FBXW11: variants seen among roughly 807,000 people sequenced by gnomAD.
FBXW11 encodes F-box and WD repeat domain containing 11.
A neutral mutation model predicts 77.6 loss-of-function variants in FBXW11; 19 were observed. The observed-to-expected ratio is 0.24, with a 90% CI of 0.17 to 0.36. The LOEUF (loss-of-function observed/expected upper bound fraction) is 0.36. FBXW11 is among the 10% of genes least tolerant of loss of function. The pLI is 1.00. For synonymous variants in FBXW11, 235 were observed against 249.4 expected, an observed-to-expected ratio of 0.94 and a Z score of 0.54; for missense variants, 334 against 704.2, an observed-to-expected ratio of 0.47 and a Z score of 5.95.
intron 2 of FBXW11, among the ~76,000 whole-genome samples, chr5:171,939,406 A>G (rs1043592624): frequency 6.6e-6 from 1 of 151,634 alleles, no homozygotes; most frequent in South Asian, 2.1e-4. Flanking sequence ...TTTAAGAACT[A>G]TAAAGAAATC....
chr5:171,899,713 T>C (rs1561663454), intron 5 of FBXW11, among the ~76,000 whole-genome samples: 1 of 152,116 alleles, frequency 6.6e-6, no homozygotes, highest in Non-Finnish European at 1.5e-5. Context: ...AACTATATAA[T>C]ACAGTTCATA....
chr5:171,895,481 G>C (rs1759681192), intron 6 of FBXW11, among the ~76,000 whole-genome samples: 2 of 152,126 alleles, frequency 1.3e-5, no homozygotes, highest in East Asian at 3.8e-4. Context: ...CTTATTAAAA[G>C]GTGTGATACA....
At chr5:171,939,895 T>C (rs1321260747) in intron 2 of FBXW11, among the ~76,000 whole-genome samples, 2 of 152,102 alleles carry the variant, frequency 1.3e-5, no homozygotes, top group Admixed American at 6.6e-5. Flanking sequence ...AAATTCCTTA[T>C]ATAAAGTGGA....
chr5:171,898,901 T>A (rs1031396196), intron 6 of FBXW11, 103 bp downstream of exon 6: 2 of 608,572 alleles, frequency 3.3e-6, no homozygotes, highest in East Asian at 3.0e-5. Flanking sequence ...TTAAAAAAAA[T>A]TATTAGTTCT....
Position 171,869,875 on chromosome 5 carries a change from G to A in FBXW11, c.1452-68C>T. The A allele has an allele frequency of 9.3e-7, 1 of 1,073,530 alleles. No individual in the cohort carries two copies. Among genetic ancestry groups the A allele is most frequent in the Non-Finnish European group, 1.4e-6 (1 of 737,042 alleles). 66.5% of individuals were successfully genotyped at this position (1,073,530 alleles called of 1,614,324 possible). On this transcript the variant is annotated intron_variant, in intron 11 of 13. Transcript: ENST00000517395. This position sits in a 1 kb window ranked among gnomAD's most constrained non-coding sequence, Gnocchi z 4.1. ...TTTATATGCTGTCAAACATTTCCTT[G>A]AAAAAAAGTAGTGCATCTGAACTGC...
intron 2 of FBXW11, among the ~76,000 whole-genome samples, chr5:171,955,097 G>C (rs1763540626): frequency 6.6e-6 from 1 of 152,234 alleles, no homozygotes. Flanking sequence ...GTAACAGTTG[G>C]TAATGAGTGA....
intron 2 of FBXW11, among the ~76,000 whole-genome samples, chr5:171,956,232 C>A (rs1029670171): frequency 4.6e-5 from 7 of 152,178 alleles, no homozygotes; most frequent in Admixed American, 3.9e-4. Context: ...CATTATACAG[C>A]ATCAAGGAGA....
At chr5:171,901,112 C>T (rs1009424213) in intron 4 of FBXW11, among the ~76,000 whole-genome samples, 2 of 152,192 alleles carry the variant, frequency 1.3e-5, no homozygotes, top group Admixed American at 6.5e-5. Flanking sequence ...ACTGAAACAT[C>T]CCTGTGCCTT....
At chr5:171,880,024 G>A (rs1472103254) in intron 7 of FBXW11, among the ~76,000 whole-genome samples, 1 of 152,182 alleles carries the variant, frequency 6.6e-6, no homozygotes, top group African/African-American at 2.4e-5. Context: ...AGATCATCTA[G>A]ATTCTCTCCT....
intron 1 of FBXW11, among the ~76,000 whole-genome samples, chr5:171,973,005 A>T (rs1389938089): frequency 6.6e-6 from 1 of 152,230 alleles, no homozygotes; most frequent in Non-Finnish European, 1.5e-5. Flanking sequence ...ACGCATATGC[A>T]CAGAAGTACT....
Position 171,870,876 on chromosome 5 carries a change from C to A in FBXW11, c.1341-18G>T, listed in dbSNP as rs1465561147. 6.4e-7 allele frequency: 1 copy of A among 1,572,910 alleles called. No homozygotes were observed. The highest frequency in any genetic ancestry group is 1.4e-5 in the African/African-American group (1 of 74,060). On this transcript the variant is annotated intron_variant, in intron 10 of 13. Transcript: ENST00000517395. ...CCCAGAGCCTTGAATGAAAAACAGA[C>A]CTCTGTGAAACAAATTCCCACACAC...
chr5:171,875,952 T>C (rs1316940012), intron 9 of FBXW11, among the ~76,000 whole-genome samples: 1 of 152,310 alleles, frequency 6.6e-6, no homozygotes, highest in Middle Eastern at 3.4e-3. Flanking sequence ...GGGCCACACC[T>C]ACCTTAAAAG....
Position 171,876,516 on chromosome 5 carries a change from C to T in FBXW11, c.990G>A (p.Thr330=), listed in dbSNP as rs746684500. The T allele has an allele frequency of 1.3e-5, 21 of 1,613,966 alleles. No individual in the cohort carries two copies. The highest frequency in any genetic ancestry group is 3.3e-5 in the Admixed American group (2 of 60,008). The change falls in exon 9 of 14, where the codon ACG becomes ACA. Residue 330 remains threonine, a synonymous_variant. Coordinates refer to ENST00000517395, the MANE Select transcript of FBXW11 (RefSeq NM_001378974.1). This position sits in a 1 kb window ranked among gnomAD's most constrained non-coding sequence, Gnocchi z 4.2. ...GGATCAATGTGTTAAGAACTTCACC[C>T]GTGTTCACATCCCACACTCTAGGAG... ...DSTVRVWDVN[T]GEVLNTLIHH...
chr5:171,881,379 G>T (rs934985673), intron 7 of FBXW11, among the ~76,000 whole-genome samples: 1 of 152,156 alleles, frequency 6.6e-6, no homozygotes, highest in African/African-American at 2.4e-5. Context: ...AGTTAAGGAA[G>T]TTCCCCTCTA....
At chr5:171,945,871 C>T (rs554969104) in intron 2 of FBXW11, among the ~76,000 whole-genome samples, 34 of 152,156 alleles carry the variant, frequency 2.2e-4, no homozygotes, top group African/African-American at 8.2e-4. Flanking sequence ...ATTTTGAATC[C>T]CTAACTCCAA....
intron 7 of FBXW11, among the ~76,000 whole-genome samples, chr5:171,883,713 A>C (rs1359926583): frequency 1.3e-5 from 2 of 151,750 alleles, no homozygotes; most frequent in Non-Finnish European, 2.9e-5. Flanking sequence ...TTTGATTTGC[A>C]TTTCTCTGAT....
At chr5:171,870,531 C>T (rs1168315195) in intron 11 of FBXW11, among the ~76,000 whole-genome samples, 3 of 152,154 alleles carry the variant, frequency 2.0e-5, no homozygotes, top group Non-Finnish European at 4.4e-5. Context: ...TTAGGAACCA[C>T]AGTGACTCTC....
chr5:171,869,959 T>C lies in FBXW11; in HGVS notation c.1452-152A>G. 1 of 451,618 alleles carries C rather than the reference T, an allele frequency of 2.2e-6. No homozygotes were observed. The highest frequency in any genetic ancestry group is 4.1e-6 in the Non-Finnish European group (1 of 246,668). The allele number at this position is 451,618 out of a possible 1,614,324, so 28.0% of individuals were successfully genotyped here. A position where few individuals can be genotyped will look rare whatever the true frequency, so the allele number is the denominator to read the frequency against. On this transcript the variant is annotated intron_variant, in intron 11 of 13. Transcript: ENST00000517395. The surrounding 1 kb of genome is among the most constrained non-coding windows in gnomAD (Gnocchi z 4.1). ...GTTTTTACAAATCATCTGAACCAAT[T>C]ACACTTGATTTTGGAAAAATTAAGA...
intron 7 of FBXW11, among the ~76,000 whole-genome samples, chr5:171,888,091 G>A (rs1056843169): frequency 7.2e-5 from 11 of 152,304 alleles, no homozygotes; most frequent in Middle Eastern, 3.4e-3. Flanking sequence ...TGGAAAAAAA[G>A]AGATCCCTGG....
Sources: gnomAD v4.1 joint callset for allele counts (sites outside exome capture counted in the v4.1 genomes callset) on GRCh38, gnomAD v4.1.1 for gene constraint, Gnocchi (gnomAD v3.1) non-coding constraint, MANE v1.5 for transcripts, NCBI Gene and HGNC (gene_info 2026-07-23, HGNC 2026-07-21) for gene names.